The following TBC1D8B variants were observed in gnomAD, a reference collection of about 807,000 sequenced individuals.
TBC1D8B encodes TBC1 domain family member 8B.
In TBC1D8B, 75 loss-of-function variants were observed where a neutral mutation model predicts 82.9. The ratio of observed to expected loss-of-function variants is 0.90; its 90% CI spans 0.75 to 1.10. TBC1D8B has a LOEUF of 1.10. Among genes scored for constraint, TBC1D8B ranks in the 50% least tolerant of loss-of-function variants. TBC1D8B has a pLI of 0.00. For missense variants in TBC1D8B, 794 were observed against 796.9 expected, an observed-to-expected ratio of 1.00 and a Z score of 0.04; for synonymous variants, 276 against 276.8, an observed-to-expected ratio of 1.00 and a Z score of 0.03.
At chrX:106,853,140 A>C (rs1278158539) in intron 12 of TBC1D8B, among the ~76,000 whole-genome samples, 5 of 111,033 alleles carry the variant, frequency 4.5e-5, no homozygotes. Flanking sequence ...GGTCCTTCAC[A>C]TCCCTTGTAA....
chrX:106,827,368 G>T (rs1439819575), intron 7 of TBC1D8B, 31 bp downstream of exon 7: 2 of 1,192,662 alleles, frequency 1.7e-6, no homozygotes, highest in South Asian at 3.6e-5. Flanking sequence ...CAAATCATTT[G>T]GAAAAAAAGG....
chrX:106,808,741 T>C (rs1482152548), intron 1 of TBC1D8B, among the ~76,000 whole-genome samples: 1 of 112,313 alleles, frequency 8.9e-6, no homozygotes, highest in Non-Finnish European at 1.9e-5. Flanking sequence ...AGAGTACATA[T>C]AACATTGGTT....
At chrX:106,814,302 G>A (rs1361362937) in intron 1 of TBC1D8B, 3 of 106,518 alleles carry the variant, frequency 2.8e-5, no homozygotes, top group Non-Finnish European at 5.8e-5. Flanking sequence ...ATTGTGAATA[G>A]TGCCGCAATA....
chrX:106,874,166 A>T lies in TBC1D8B; in HGVS notation c.*201A>T. ...ACTTTTTAAAACAAACAAACAAACA[A>T]AACAAAAAAGCAAACCACATTTGTT... On this transcript the variant is annotated 3_prime_UTR_variant, in exon 21 of 21. Coordinates refer to ENST00000357242, the MANE Select transcript of TBC1D8B (RefSeq NM_017752.3). 3.0e-6 allele frequency: 1 copy of T among 328,615 alleles called. No homozygotes were observed. The highest frequency in any genetic ancestry group is 5.1e-6 in the Non-Finnish European group (1 of 197,092). The allele number at this position is 328,615 out of a possible 1,213,427, so 27.1% of individuals were successfully genotyped here. A position where few individuals can be genotyped will look rare whatever the true frequency, so the allele number is the denominator to read the frequency against.
chrX:106,828,178 C>G (rs1931910091), intron 7 of TBC1D8B: 1 of 112,530 alleles, frequency 8.9e-6, no homozygotes, highest in Admixed American at 9.4e-5. Context: ...CGCAAATAAA[C>G]TAGAAAATCT....
chrX:106,817,885 T>A (rs1931587088), intron 1 of TBC1D8B, among the ~76,000 whole-genome samples: 1 of 110,627 alleles, frequency 9.0e-6, no homozygotes. Context: ...CTAGGTAAAA[T>A]GATAATTGCT....
At chrX:106,831,315 A>C (rs752433280) in intron 7 of TBC1D8B, among the ~76,000 whole-genome samples, 1 of 111,807 alleles carries the variant, frequency 8.9e-6, no homozygotes, top group Admixed American at 9.5e-5. Flanking sequence ...AAGCACAATG[A>C]AAACATGTAA....
chrX:106,816,235 A>G (rs969868939), intron 1 of TBC1D8B, among the ~76,000 whole-genome samples: 5 of 111,796 alleles, frequency 4.5e-5, no homozygotes, highest in Admixed American at 9.5e-5. Context: ...AAATCAATGT[A>G]CAAAAATCAC....
intron 18 of TBC1D8B, among the ~76,000 whole-genome samples, chrX:106,868,858 G>A (rs1932830237): frequency 9.0e-6 from 1 of 111,703 alleles, no homozygotes; most frequent in Non-Finnish European, 1.9e-5. Context: ...TAGGAGACAG[G>A]GATGAGTCTG....
At chrX:106,857,588 CCT>C (rs1442365243) in intron 14 of TBC1D8B, among the ~76,000 whole-genome samples, 2 of 111,424 alleles carry the variant, frequency 1.8e-5, no homozygotes, top group Admixed American at 9.5e-5. Flanking sequence ...CATGTAGGCC[CCT>C]GTTTCTATTG....
At chrX:106,866,967 T>A (rs750133930) in intron 17 of TBC1D8B, 105 bp downstream of exon 17, 7 of 544,112 alleles carry the variant, frequency 1.3e-5, no homozygotes, top group Non-Finnish European at 2.0e-5. Flanking sequence ...CAACATGATA[T>A]AAGATCGTTG....
intron 1 of TBC1D8B, among the ~76,000 whole-genome samples, chrX:106,809,841 G>A (rs1338538851): frequency 2.1e-5 from 2 of 97,176 alleles, no homozygotes; most frequent in Admixed American, 1.2e-4. Flanking sequence ...CCGAGATCAC[G>A]CCACCGCACT....
intron 2 of TBC1D8B, 145 bp downstream of exon 2, chrX:106,818,918 C>T: frequency 2.8e-5 from 11 of 396,990 alleles, no homozygotes; most frequent in South Asian, 6.0e-5. Context: ...AGCAAGACCT[C>T]TATTTTTAAA....
chrX:106,810,731 A>G (rs1931342673), intron 1 of TBC1D8B, among the ~76,000 whole-genome samples: 1 of 112,183 alleles, frequency 8.9e-6, no homozygotes, highest in Non-Finnish European at 1.9e-5. Flanking sequence ...TAAAAGGAAA[A>G]TCACGTAGAG....
chrX:106,841,891 G>C lies in TBC1D8B; in HGVS notation c.1719+1007G>C, dbSNP rs1353181187. On this transcript the variant is annotated intron_variant, in intron 10 of 20. Coordinates refer to ENST00000357242, the MANE Select transcript of TBC1D8B (RefSeq NM_017752.3). The stretch of plus-strand genomic sequence containing the variant: ...ATTTTATGGGCTAGGCTTGAAAGGG[G>C]CAAATATCACTTCATGCACATTCTA... Among the ~76,000 whole-genome samples the C allele has an allele frequency of 2.7e-5, 3 of 111,378 alleles. No individual in the cohort carries two copies. In the Admixed American group the frequency reaches 2.9e-4, roughly 11 times the overall value.
chrX:106,840,210 A>G lies in TBC1D8B; in HGVS notation c.1504+12A>G. 1 of 1,193,568 alleles carries G rather than the reference A, an allele frequency of 8.4e-7. No homozygotes were observed. The highest frequency in any genetic ancestry group is 3.0e-5 in the East Asian group (1 of 33,638). On this transcript the variant is annotated intron_variant, in intron 9 of 20. Coordinates refer to ENST00000357242, the MANE Select transcript of TBC1D8B (RefSeq NM_017752.3). Reference sequence around the variant, plus strand: ...GATGCTTTTTTCAGGTATTACGTTTATTCATTGTATTTATTTAATAGACAT... The same window carrying G: ...GATGCTTTTTTCAGGTATTACGTTTGTTCATTGTATTTATTTAATAGACAT...
Position 106,823,460 on chromosome X carries a change from C to T in TBC1D8B, c.821C>T (p.Thr274Ile), listed in dbSNP as rs752735891. Residue 274 changes from threonine to isoleucine, a missense_variant, in exon 5 of 21, where the codon ACC becomes ATC. Physicochemically the swap from Thr to Ile is moderately conservative, Grantham distance 89. Transcript: ENST00000357242. ...GTCCTTTATAATCCTCTACAGATCA[C>T]CAAAAGGTATTCAAAGCTTAATTTT... ...DPVLYNPLQI[T>I]KRGLENRAHS... is the part of the protein sequence containing the mutation. The T allele has an allele frequency of 2.5e-5, 30 of 1,200,587 alleles. No homozygotes were observed. Among genetic ancestry groups the T allele is most frequent in the Non-Finnish European group, 9.0e-6 (8 of 889,471 alleles).
intron 1 of TBC1D8B, 153 bp from the exon 2 acceptor site, chrX:106,818,510 C>T: frequency 5.7e-6 from 2 of 348,363 alleles, no homozygotes; most frequent in Non-Finnish European, 9.8e-6. Flanking sequence ...TCTCTTTATC[C>T]CAAATGTATT....
chrX:106,849,207 T>C (rs760359388), intron 11 of TBC1D8B: 4 of 1,115,970 alleles, frequency 3.6e-6, no homozygotes, highest in Non-Finnish European at 4.8e-6. Flanking sequence ...TCTTTCATTA[T>C]AATTATTTGT....
Sources: gnomAD v4.1 joint callset for allele counts (sites outside exome capture counted in the v4.1 genomes callset) on GRCh38, gnomAD v4.1.1 for gene constraint, MANE v1.5 for transcripts, NCBI Gene and HGNC (gene_info 2026-07-23, HGNC 2026-07-21) for gene names.